Variants in NAA11 observed in about 807,000 individuals in gnomAD.
The protein encoded by NAA11 is N-alpha-acetyltransferase 11, NatA catalytic subunit, also known as N-alpha-acetyltransferase 11.
A neutral mutation model predicts 16.1 loss-of-function variants in NAA11; 15 were observed. The observed-to-expected ratio is 0.93, with a 90% CI of 0.62 to 1.44. The LOEUF is 1.44. NAA11 is among the 40% of genes most tolerant of loss of function. The pLI is 0.00. For synonymous variants in NAA11, 122 were observed against 112.4 expected (o/e 1.09, Z -0.54); for missense variants, 298 against 291.3 (o/e 1.02, Z -0.17).
At chr4:79,276,592 C>G (rs533045152) in intron 2 of NAA11, among the ~76,000 whole-genome samples, 2 of 152,180 alleles carry the variant, frequency 1.3e-5, no homozygotes, top group African/African-American at 2.4e-5. Context: ...ATAAGTCAGC[C>G]CTTGTTCATC....
At chr4:79,206,244 G>A in the NAA11 span, among the ~76,000 whole-genome samples, 1 of 152,020 alleles carries the variant, frequency 6.6e-6, no homozygotes, top group Non-Finnish European at 1.5e-5. Context: ...CCATGAGTAT[G>A]GGATATTTTT....
At chr4:79,254,233 G>A (rs1176556866) in intron 2 of NAA11, among the ~76,000 whole-genome samples, 1 of 152,218 alleles carries the variant, frequency 6.6e-6, no homozygotes, top group Non-Finnish European at 1.5e-5. Context: ...CCATCACAAA[G>A]GGGGTCCCTA....
At chr4:79,261,533 G>A (rs186902615) in intron 2 of NAA11, among the ~76,000 whole-genome samples, 19 of 152,174 alleles carry the variant, frequency 1.2e-4, no homozygotes, top group Admixed American at 8.5e-4. Flanking sequence ...GGGTAGGATC[G>A]GAACACAGTG....
the NAA11 span, among the ~76,000 whole-genome samples, chr4:79,177,404 C>A: frequency 2.7e-4 from 40 of 147,628 alleles, no homozygotes; most frequent in African/African-American, 8.4e-4. Context: ...TTTGACTTAT[C>A]AAAAAAAAAA....
downstream of NAA11, among the ~76,000 whole-genome samples, chr4:79,223,426 A>G (rs986501077): frequency 3.5e-5 from 5 of 143,594 alleles, no homozygotes; most frequent in African/African-American, 7.7e-5. Flanking sequence ...ATTCTCACTC[A>G]TAGGTGGGAA....
chr4:79,301,636 T>G (rs534774402), intron 1 of NAA11, among the ~76,000 whole-genome samples: 1 of 152,290 alleles, frequency 6.6e-6, no homozygotes, highest in East Asian at 1.9e-4. Flanking sequence ...TAAAAATACT[T>G]CTGTACATGG....
intron 2 of NAA11, among the ~76,000 whole-genome samples, chr4:79,263,253 A>G (rs1218844262): frequency 6.6e-6 from 1 of 152,210 alleles, no homozygotes; most frequent in Non-Finnish European, 1.5e-5. Context: ...ATTTAGAAGC[A>G]TGAAAACTTT....
At chr4:79,188,252 G>A in the NAA11 span, among the ~76,000 whole-genome samples, 7 of 152,152 alleles carry the variant, frequency 4.6e-5, no homozygotes, top group Non-Finnish European at 8.8e-5. Context: ...TTTATCAGGG[G>A]CAGGGAGGAT....
At chr4:79,236,916 G>T (rs1278561671) in intron 2 of NAA11, among the ~76,000 whole-genome samples, 1 of 152,120 alleles carries the variant, frequency 6.6e-6, no homozygotes. Flanking sequence ...AAGTATTATT[G>T]ACAGGAAGAT....
chr4:79,305,464 GA>G (rs1723549301), intron 1 of NAA11, among the ~76,000 whole-genome samples: 1 of 152,158 alleles, frequency 6.6e-6, no homozygotes, highest in Non-Finnish European at 1.5e-5. Flanking sequence ...TCATTTGAAA[GA>G]TTGTTCAATT....
intron 2 of NAA11, among the ~76,000 whole-genome samples, chr4:79,272,970 C>T (rs575648872): frequency 5.3e-5 from 8 of 152,038 alleles, no homozygotes; most frequent in Admixed American, 3.3e-4. Flanking sequence ...GGTTTCCTGA[C>T]AGCCTGGAGG....
chr4:79,195,417 TA>T, the NAA11 span, among the ~76,000 whole-genome samples: 14 of 152,260 alleles, frequency 9.2e-5, no homozygotes, highest in Non-Finnish European at 1.6e-4. Context: ...TCTAAATAAA[TA>T]TTTTTTTACA....
chr4:79,299,633 CCAAA>C (rs1046392696), intron 1 of NAA11: 7 of 152,080 alleles, frequency 4.6e-5, no homozygotes, highest in African/African-American at 1.4e-4. Context: ...CCTCTCCACC[CCAAA>C]CAAACAAAAA....
intron 2 of NAA11, among the ~76,000 whole-genome samples, chr4:79,243,123 C>T (rs1165812114): frequency 6.6e-6 from 1 of 152,102 alleles, no homozygotes; most frequent in East Asian, 1.9e-4. Flanking sequence ...GAAAGGCTTC[C>T]TCAGATGCAT....
intron 2 of NAA11, among the ~76,000 whole-genome samples, chr4:79,268,147 C>A (rs1218099060): frequency 1.3e-5 from 2 of 152,078 alleles, no homozygotes; most frequent in East Asian, 1.9e-4. Context: ...TCAAAGGATT[C>A]TTTTTACTGT....
At chr4:79,208,222 C>A in the NAA11 span, among the ~76,000 whole-genome samples, 2 of 152,118 alleles carry the variant, frequency 1.3e-5, no homozygotes, top group African/African-American at 4.8e-5. Flanking sequence ...CTAGCTAAAT[C>A]ATTTCCAGAA....
chr4:79,215,199 A>G, the NAA11 span, among the ~76,000 whole-genome samples: 1 of 152,198 alleles, frequency 6.6e-6, no homozygotes, highest in Non-Finnish European at 1.5e-5. Flanking sequence ...TACTTAGTCA[A>G]TAGTCCTACT....
chr4:79,289,922 G>A (rs1428209153), intron 2 of NAA11, among the ~76,000 whole-genome samples: 1 of 152,144 alleles, frequency 6.6e-6, no homozygotes, highest in Non-Finnish European at 1.5e-5. Context: ...GGCTGCTGCT[G>A]GGTTGGCAGA....
chr4:79,205,919 T>C, the NAA11 span, among the ~76,000 whole-genome samples: 2 of 150,064 alleles, frequency 1.3e-5, no homozygotes, highest in South Asian at 4.3e-4. Flanking sequence ...AAGCTAATTG[T>C]AGGTATTTGG....
Sources: gnomAD v4.1 joint callset for allele counts (sites outside exome capture counted in the v4.1 genomes callset) on GRCh38, gnomAD v4.1.1 for gene constraint, MANE v1.5 for transcripts, NCBI Gene and HGNC (gene_info 2026-07-23, HGNC 2026-07-21) for gene names.